The following RTN4IP1 variants were observed in gnomAD, a reference collection of about 807,000 sequenced individuals.
RTN4IP1 encodes the protein NAD(P)H oxidoreductase RTN4IP1, mitochondrial.
A neutral mutation model predicts 46.6 loss-of-function variants in RTN4IP1; 32 were observed. That is an observed-to-expected ratio of 0.69 (90% CI 0.52 to 0.92). RTN4IP1 has a LOEUF of 0.92. Ranked by LOEUF, RTN4IP1 falls within the 40% of genes least tolerant of loss-of-function variation. RTN4IP1 has a pLI of 0.00. For missense variants in RTN4IP1, 424 were observed against 485.8 expected, an observed-to-expected ratio of 0.87 and a Z score of 1.20; for synonymous variants, 167 against 161.8, an observed-to-expected ratio of 1.03 and a Z score of -0.24.
chr6:106,620,373 G>T (rs1776458732), intron 3 of RTN4IP1, among the ~76,000 whole-genome samples: 1 of 152,144 alleles, frequency 6.6e-6, no homozygotes, highest in African/African-American at 2.4e-5. Flanking sequence ...AAAATGCTGG[G>T]ATTACAGGTG....
chr6:106,572,012 A>G lies in RTN4IP1; in HGVS notation c.1175T>C (p.Val392Ala), dbSNP rs1164468328. The change falls in exon 9 of 9, where the codon GTA becomes GCA. Residue 392 changes from valine to alanine, a missense_variant. Physicochemically the swap from Val to Ala is moderately conservative, Grantham distance 64. Coordinates refer to ENST00000369063, the MANE Select transcript of RTN4IP1 (RefSeq NM_032730.5). ...CATTTTTATTTAAACAACATTAATT[A>G]CAGTCTTTCCTCGTGCGTGTCCTCT... Reference protein sequence around the residue: ...VERGHARGKTVINVV With the variant: ...VERGHARGKTAINVV 1 of 1,611,388 alleles carries G rather than the reference A, an allele frequency of 6.2e-7. No individual in the cohort carries two copies. Among genetic ancestry groups the G allele is most frequent in the Non-Finnish European group, 8.5e-7 (1 of 1,177,656 alleles).
At chr6:106,587,533 T>C (rs1429700401) in intron 7 of RTN4IP1, 146 bp downstream of exon 7, 1 of 675,756 alleles carries the variant, frequency 1.5e-6, no homozygotes, top group Non-Finnish European at 2.5e-6. Context: ...GGTCAGATTT[T>C]GAAGCCAGTC....
At chr6:106,628,364 G>A (rs2114689770) in intron 1 of RTN4IP1, among the ~76,000 whole-genome samples, 1 of 152,150 alleles carries the variant, frequency 6.6e-6, no homozygotes. Flanking sequence ...CTACTCGGGA[G>A]GCTGAGGCAG....
intron 5 of RTN4IP1, among the ~76,000 whole-genome samples, chr6:106,595,113 T>A (rs1338234953): frequency 6.6e-6 from 1 of 152,182 alleles, no homozygotes; most frequent in Non-Finnish European, 1.5e-5. Flanking sequence ...TAAGTCTCTT[T>A]TAAATCATAG....
intron 2 of RTN4IP1, among the ~76,000 whole-genome samples, chr6:106,622,321 A>T (rs1287501344): frequency 6.6e-6 from 1 of 152,242 alleles, no homozygotes; most frequent in Admixed American, 6.5e-5. Context: ...GAAAAATTGT[A>T]AGAGGAAAAA....
At chr6:106,593,606 A>G (rs1228411356) in intron 5 of RTN4IP1, among the ~76,000 whole-genome samples, 2 of 152,198 alleles carry the variant, frequency 1.3e-5, no homozygotes, top group Non-Finnish European at 2.9e-5. Flanking sequence ...CTGGTTCACT[A>G]TTGAATCCCT....
upstream of RTN4IP1, chr6:106,629,722 C>T (rs111609677): frequency 9.7e-4 from 1,553 of 1,601,432 alleles, 13 homozygotes; most frequent in African/African-American, 0.017. Context: ...GGAATTGGCC[C>T]GCTGAGGCCC....
chr6:106,607,207 A>T (rs1776100491), intron 4 of RTN4IP1, among the ~76,000 whole-genome samples: 1 of 152,168 alleles, frequency 6.6e-6, no homozygotes, highest in Non-Finnish European at 1.5e-5. Context: ...TATGCAGAAA[A>T]ATGGAAACTA....
chr6:106,604,108 T>C (rs866883310), intron 4 of RTN4IP1, among the ~76,000 whole-genome samples: 1 of 152,196 alleles, frequency 6.6e-6, no homozygotes, highest in African/African-American at 2.4e-5. Context: ...TTTTGCCACC[T>C]ATCTCTAGTA....
At chr6:106,619,846 C>T (rs1462955669) in intron 3 of RTN4IP1, among the ~76,000 whole-genome samples, 3 of 151,786 alleles carry the variant, frequency 2.0e-5, no homozygotes, top group Non-Finnish European at 4.4e-5. Context: ...CTCCTGACCT[C>T]GTGATCCGCC....
chr6:106,596,860 T>C (rs1011866188), intron 5 of RTN4IP1, among the ~76,000 whole-genome samples: 2 of 152,228 alleles, frequency 1.3e-5, no homozygotes, highest in Non-Finnish European at 2.9e-5. Flanking sequence ...TTTTGTTGTA[T>C]AAAAGATTCT....
intron 6 of RTN4IP1, among the ~76,000 whole-genome samples, chr6:106,591,287 G>C (rs1005383869): frequency 6.6e-6 from 1 of 152,138 alleles, no homozygotes; most frequent in African/African-American, 2.4e-5. Flanking sequence ...ACCCTGCCTG[G>C]CAAGAGTAGA....
At chr6:106,615,912 ATTTTCT>A (rs1562151942) in intron 4 of RTN4IP1, among the ~76,000 whole-genome samples, 6 of 151,950 alleles carry the variant, frequency 3.9e-5, no homozygotes, top group African/African-American at 1.4e-4. Context: ...TTCACTTGAC[ATTTTCT>A]TTTTCTTTTT....
Position 106,583,495 on chromosome 6 carries a change from C to G in RTN4IP1, c.991-75G>C. The G allele has an allele frequency of 5.8e-6, 7 of 1,205,246 alleles. 1 individual carries two copies. In the Middle Eastern group the frequency reaches 9.5e-4, roughly 164 times the overall value. 74.7% of individuals were successfully genotyped at this position (1,205,246 alleles called of 1,614,324 possible). A position where few individuals can be genotyped will look rare whatever the true frequency, so the allele number is the denominator to read the frequency against. ...GACTAAATGCAGATTTAGGGAAAAGCATTTTCTGGATGACTACAACAAACT... is the reference window on the plus strand; with the variant it reads ...GACTAAATGCAGATTTAGGGAAAAGGATTTTCTGGATGACTACAACAAACT... On this transcript the variant is annotated intron_variant, in intron 7 of 8. Transcript: ENST00000369063.
chr6:106,573,440 A>C lies in RTN4IP1; in HGVS notation c.1084-1337T>G, dbSNP rs183691720. Among the ~76,000 whole-genome samples the C allele has an allele frequency of 2.7e-3, 408 of 152,318 alleles. 2 individuals carry two copies. The highest frequency in any genetic ancestry group is 4.8e-3 in the South Asian group (23 of 4,822). On this transcript the variant is annotated intron_variant, in intron 8 of 8. Coordinates refer to ENST00000369063, the MANE Select transcript of RTN4IP1 (RefSeq NM_032730.5). ...CCAAGCCACCAGAAGAGCATCTTAG[A>C]CTCCAAAAGTTCCCTTCTCCAAAGA...
intron 8 of RTN4IP1, among the ~76,000 whole-genome samples, chr6:106,581,692 A>G (rs1303866347): frequency 6.6e-6 from 1 of 152,230 alleles, no homozygotes; most frequent in African/African-American, 2.4e-5. Flanking sequence ...GTTGTTTATC[A>G]TGTCCTATTT....
rs372351843 is a variant in RTN4IP1 at position 106,621,381 on chromosome 6, T to C, written c.495+44A>G. 5 of 1,384,998 alleles carry C rather than the reference T, an allele frequency of 3.6e-6. No homozygotes were observed. In the African/African-American group the frequency reaches 7.1e-5, roughly 20 times the overall value. 85.8% of individuals were successfully genotyped at this position (1,384,998 alleles called of 1,614,324 possible). On this transcript the variant is annotated intron_variant, in intron 3 of 8. Transcript: ENST00000369063. ...AGTTATTTCAGATATTTGCCAGTCTTTGTTTAAACTTTCTAATGCATTTCA... is the reference window on the plus strand; with the variant it reads ...AGTTATTTCAGATATTTGCCAGTCTCTGTTTAAACTTTCTAATGCATTTCA...
intron 8 of RTN4IP1, among the ~76,000 whole-genome samples, chr6:106,573,659 G>A (rs1017286392): frequency 6.6e-6 from 1 of 152,216 alleles, no homozygotes; most frequent in African/African-American, 2.4e-5. Context: ...AAGGAACAGA[G>A]TTAAATAAGT....
At chr6:106,613,088 AC>A (rs1256433020) in intron 4 of RTN4IP1, among the ~76,000 whole-genome samples, 3 of 152,188 alleles carry the variant, frequency 2.0e-5, no homozygotes, top group Non-Finnish European at 4.4e-5. Flanking sequence ...TATGCTAACC[AC>A]AATCAGTTAA....
Sources: allele counts gnomAD v4.1 joint callset (sites outside exome capture counted in the v4.1 genomes callset), GRCh38; gene constraint gnomAD v4.1.1; transcripts MANE v1.5; gene names NCBI Gene and HGNC (gene_info 2026-07-23, HGNC 2026-07-21).